ARHGEF7: variants seen among roughly 807,000 people sequenced by gnomAD.
ARHGEF7 encodes the protein PAK-interacting exchange factor beta.
Under a neutral mutation model 109.8 loss-of-function variants are expected in ARHGEF7, and 33 were observed. The observed-to-expected ratio is 0.30, with a 90% CI of 0.23 to 0.40. The LOEUF is 0.40. ARHGEF7 is among the 10% of genes least tolerant of loss of function. The pLI, the probability that ARHGEF7 is intolerant of heterozygous loss-of-function variation, is 1.00. For synonymous variants in ARHGEF7, 458 were observed against 424.6 expected (o/e 1.08, Z -0.97); for missense variants, 938 against 1,098.5 (o/e 0.85, Z 2.07).
At chr13:111,244,375 ATTCAC>A in intron 8 of ARHGEF7, 81 bp downstream of exon 8, 1 of 838,808 alleles carries the variant, frequency 1.2e-6, no homozygotes, top group African/African-American at 1.8e-5. Flanking sequence ...TAATTTTAGA[ATTCAC>A]ATTTCTAAAG....
intron 5 of ARHGEF7, among the ~76,000 whole-genome samples, chr13:111,230,753 G>A (rs1706654117): frequency 6.6e-6 from 1 of 152,258 alleles, no homozygotes; most frequent in Non-Finnish European, 1.5e-5. Flanking sequence ...GAACCACAGG[G>A]TGTTCTGGGG....
chr13:111,245,309 C>T (rs964125925), intron 8 of ARHGEF7, among the ~76,000 whole-genome samples: 3 of 152,098 alleles, frequency 2.0e-5, no homozygotes, highest in Non-Finnish European at 2.9e-5. Context: ...TGGAACTTCT[C>T]GGTCCAACCA....
intron 5 of ARHGEF7, among the ~76,000 whole-genome samples, chr13:111,232,274 A>C (rs2086178815): frequency 6.6e-6 from 1 of 152,104 alleles, no homozygotes; most frequent in African/African-American, 2.4e-5. Flanking sequence ...TGGACGCCAT[A>C]CACTGTCTGC....
chr13:111,294,093 G>C (rs1193682467), intron 19 of ARHGEF7: 1 of 985,296 alleles, frequency 1.0e-6, no homozygotes, highest in Non-Finnish European at 1.2e-6. Flanking sequence ...GAACATTGAG[G>C]AGCAGTCAGA....
chr13:111,190,715 A>G (rs1201365839), intron 2 of ARHGEF7, among the ~76,000 whole-genome samples: 4 of 152,144 alleles, frequency 2.6e-5, no homozygotes, highest in Non-Finnish European at 4.4e-5. Context: ...TCCTGAGGCA[A>G]TGTTAATGTT....
intron 2 of ARHGEF7, among the ~76,000 whole-genome samples, chr13:111,179,273 AG>A (rs1290222489): frequency 6.6e-6 from 1 of 152,018 alleles, no homozygotes; most frequent in African/African-American, 2.4e-5. Context: ...TAGTAGAGAC[AG>A]GGTTTCGCTA....
chr13:111,215,431 G>A (rs72653520), intron 4 of ARHGEF7, among the ~76,000 whole-genome samples: 3,603 of 151,952 alleles, frequency 0.024, 74 homozygotes, highest in Middle Eastern at 0.11. Context: ...CAGAGAAAGA[G>A]GGGCTGGTGC....
chr13:111,122,433 TAGGAG>T (rs1338927399), intron 1 of ARHGEF7, among the ~76,000 whole-genome samples: 72 of 152,208 alleles, frequency 4.7e-4, no homozygotes, highest in Non-Finnish European at 1.6e-4. Flanking sequence ...CAAGTTAGGG[TAGGAG>T]AATTAATCTC....
intron 2 of ARHGEF7, among the ~76,000 whole-genome samples, chr13:111,198,394 G>T (rs2080816769): frequency 6.6e-6 from 1 of 152,056 alleles, no homozygotes; most frequent in South Asian, 2.1e-4. Flanking sequence ...ATGAAGCCGT[G>T]GACACTCGCG....
intron 20 of ARHGEF7, among the ~76,000 whole-genome samples, chr13:111,301,051 C>T (rs538755626): frequency 5.3e-5 from 8 of 152,012 alleles, no homozygotes; most frequent in Non-Finnish European, 1.0e-4. Context: ...CGGGTTCAAG[C>T]GGTTCTCCTG....
intron 20 of ARHGEF7, 103 bp downstream of exon 20, chr13:111,300,950 CA>C: frequency 3.1e-6 from 2 of 641,394 alleles, no homozygotes; most frequent in Non-Finnish European, 2.6e-6. Flanking sequence ...TCAGAAGCTT[CA>C]CTTTTTTTTT....
At position 111,145,658 on chromosome 13, in the gene ARHGEF7, C is replaced by A. The variant is rs938226063; in HGVS notation, c.166-8247C>A. Among the ~76,000 whole-genome samples, 3 of 152,164 alleles carry A rather than the reference C, an allele frequency of 2.0e-5. No homozygotes were observed. Among genetic ancestry groups the A allele is most frequent in the Middle Eastern group, 3.2e-3 (1 of 316 alleles). ...TGTGACGGGGTGACACCCATACAGCCCACTGTGAGCCAGCTCCAGCATCTA... is the reference window on the plus strand; with the variant it reads ...TGTGACGGGGTGACACCCATACAGCACACTGTGAGCCAGCTCCAGCATCTA... On this transcript the variant is annotated intron_variant, in intron 1 of 21. Transcript: ENST00000646102. This position sits in a 1 kb window ranked among gnomAD's most constrained non-coding sequence, Gnocchi z 4.3.
chr13:111,208,745 AG>A (rs2082169237), intron 3 of ARHGEF7, among the ~76,000 whole-genome samples: 1 of 152,146 alleles, frequency 6.6e-6, no homozygotes, highest in Non-Finnish European at 1.5e-5. Context: ...TGCCCTCAGC[AG>A]GTCCTGGGAA....
chr13:111,181,257 T>C (rs1434264632), intron 2 of ARHGEF7, among the ~76,000 whole-genome samples: 1 of 152,224 alleles, frequency 6.6e-6, no homozygotes, highest in Non-Finnish European at 1.5e-5. Flanking sequence ...AAGGGAACTT[T>C]GGAATTGGTA....
intron 1 of ARHGEF7, among the ~76,000 whole-genome samples, chr13:111,119,705 G>A (rs2067048502): frequency 6.6e-6 from 1 of 152,180 alleles, no homozygotes; most frequent in Admixed American, 6.5e-5. Flanking sequence ...CAGCAAATCT[G>A]ATGTTGCATA....
At chr13:111,265,722 A>C (rs1204700455) in intron 8 of ARHGEF7, 4 of 455,828 alleles carry the variant, frequency 8.8e-6, no homozygotes, top group Non-Finnish European at 1.3e-5. Context: ...TGGGCCTTGG[A>C]GGTGGGTAGG....
At position 111,304,522 on chromosome 13, in the gene ARHGEF7, A is replaced by G. The variant is rs1453350499; in HGVS notation, c.*1409A>G. On this transcript the variant is annotated 3_prime_UTR_variant, in exon 22 of 22. Coordinates refer to ENST00000646102, the MANE Select transcript of ARHGEF7 (RefSeq NM_001354046.2). ...CTGGTCTCAGAACAACTCATTGCGCATCAGATTTGACTCTCTGATTTTCTG... is the reference window on the plus strand; with the variant it reads ...CTGGTCTCAGAACAACTCATTGCGCGTCAGATTTGACTCTCTGATTTTCTG... 1 of 152,268 alleles carries G rather than the reference A, an allele frequency of 6.6e-6. No individual in the cohort carries two copies. Among genetic ancestry groups the G allele is most frequent in the Non-Finnish European group, 1.5e-5 (1 of 68,060 alleles). 9.4% of individuals were successfully genotyped at this position (152,268 alleles called of 1,614,324 possible).
intron 9 of ARHGEF7, among the ~76,000 whole-genome samples, chr13:111,269,232 T>G (rs751591639): frequency 2.0e-5 from 3 of 152,240 alleles, no homozygotes; most frequent in Non-Finnish European, 4.4e-5. Flanking sequence ...CCCTGGGAAT[T>G]TATACATTGA....
In ARHGEF7 at chr13:111,217,693, T is replaced by C. The variant is rs763456797; in HGVS notation, c.483T>C (p.Asn161=). 1 of 1,614,134 alleles carries C rather than the reference T, an allele frequency of 6.2e-7. No individual in the cohort carries two copies. Among genetic ancestry groups the C allele is most frequent in the Admixed American group, 1.7e-5 (1 of 60,030 alleles). The part of the protein sequence containing the change: ...GQYRSLDMTD[N]SNNQLVVRAK... ...TCCCCTTTTAGGACATGACCGATAATAGCAACAATCAACTGGTAGTAAGAG... is the reference window on the plus strand; with the variant it reads ...TCCCCTTTTAGGACATGACCGATAACAGCAACAATCAACTGGTAGTAAGAG... Residue 161 remains asparagine (N), a synonymous_variant, in exon 5 of 22, where the codon AAT becomes AAC. Transcript: ENST00000646102.
Sources: gnomAD v4.1 joint callset for allele counts (sites outside exome capture counted in the v4.1 genomes callset) on GRCh38, gnomAD v4.1.1 for gene constraint, Gnocchi (gnomAD v3.1) non-coding constraint, MANE v1.5 for transcripts, NCBI Gene and HGNC (gene_info 2026-07-23, HGNC 2026-07-21) for gene names.